Variants in ATP10D observed in about 807,000 individuals in gnomAD.
ATP10D encodes phospholipid-transporting ATPase VD.
Under a neutral mutation model 144.8 loss-of-function variants are expected in ATP10D, and 89 were observed. The observed-to-expected ratio is 0.61, with a 90% CI of 0.52 to 0.73. The LOEUF (loss-of-function observed/expected upper bound fraction) is 0.73, where lower values mean the gene tolerates loss of function less well. ATP10D is among the 30% of genes least tolerant of loss of function. The pLI is 0.00. For missense variants in ATP10D, 1,603 were observed against 1,714.8 expected (o/e 0.93, Z 1.15); for synonymous variants, 571 against 615.1 (o/e 0.93, Z 1.06).
intron 2 of ATP10D, 98 bp from the exon 3 acceptor site, chr4:47,515,378 C>T (rs1471560058): frequency 3.3e-6 from 3 of 911,978 alleles, no homozygotes; most frequent in East Asian, 4.8e-5. Context: ...ACAAAATCTA[C>T]TAATAGAAAC....
At chr4:47,519,855 C>T (rs184056914) in intron 3 of ATP10D, among the ~76,000 whole-genome samples, 1 of 152,254 alleles carries the variant, frequency 6.6e-6, no homozygotes, top group East Asian at 1.9e-4. Context: ...AGTGGGGACC[C>T]TATCTTAATC....
At chr4:47,507,416 C>T (rs2109395557) in intron 1 of ATP10D, among the ~76,000 whole-genome samples, 1 of 152,270 alleles carries the variant, frequency 6.6e-6, no homozygotes, top group South Asian at 2.1e-4. Context: ...TTTAGAAATA[C>T]ACTAGAAGAG....
chr4:47,529,320 G>A (rs1717436421), intron 5 of ATP10D, among the ~76,000 whole-genome samples: 2 of 152,128 alleles, frequency 1.3e-5, no homozygotes, highest in African/African-American at 4.8e-5. Flanking sequence ...TTTTGTAGAT[G>A]GTGAGAGGTA....
At chr4:47,517,553 C>T (rs1195579127) in intron 3 of ATP10D, among the ~76,000 whole-genome samples, 1 of 152,202 alleles carries the variant, frequency 6.6e-6, no homozygotes, top group Non-Finnish European at 1.5e-5. Flanking sequence ...TTACAAAAAG[C>T]AGCTAAACAC....
At chr4:47,560,743 C>T (rs1719252106) in intron 13 of ATP10D, among the ~76,000 whole-genome samples, 1 of 152,062 alleles carries the variant, frequency 6.6e-6, no homozygotes, top group Non-Finnish European at 1.5e-5. Flanking sequence ...AAAGGGTCAT[C>T]CATCATCAGT....
chr4:47,494,193 T>C (rs777854795), intron 1 of ATP10D, among the ~76,000 whole-genome samples: 13 of 152,196 alleles, frequency 8.5e-5, no homozygotes, highest in Non-Finnish European at 1.6e-4. Flanking sequence ...TTTGTGCAAA[T>C]GTTTCATAAG....
intron 15 of ATP10D, among the ~76,000 whole-genome samples, chr4:47,568,219 G>A (rs1291789720): frequency 6.6e-6 from 1 of 152,246 alleles, no homozygotes; most frequent in South Asian, 2.1e-4. Flanking sequence ...TGGCCAGAAT[G>A]CAAGTGCCAT....
In ATP10D at chr4:47,587,122, C is replaced by A. The variant is rs756372515; in HGVS notation, c.3857C>A (p.Pro1286His). 6.2e-7 allele frequency: 1 copy of A among 1,613,958 alleles called. No individual in the cohort carries two copies. The highest frequency in any genetic ancestry group is 8.5e-7 in the Non-Finnish European group (1 of 1,179,940). Residue 1286 changes from proline (P) to histidine (H), a missense_variant, in exon 22 of 23, where the codon CCT becomes CAT. Physicochemically the swap from Pro to His is moderately conservative, Grantham distance 77. Coordinates refer to ENST00000273859, the MANE Select transcript of ATP10D (RefSeq NM_020453.4). Reference sequence around the variant, plus strand: ...GTAACTTGCAACCCACCATCCAACCCTTACTGGATTATGCAGGAGCACATG... The same window carrying A: ...GTAACTTGCAACCCACCATCCAACCATTACTGGATTATGCAGGAGCACATG... ...MCVTCNPPSN[P>H]YWIMQEHMLD...
At chr4:47,584,379 T>G (rs537793069) in intron 21 of ATP10D, among the ~76,000 whole-genome samples, 2 of 152,076 alleles carry the variant, frequency 1.3e-5, no homozygotes, top group South Asian at 2.1e-4. Context: ...TGTTGTTGTT[T>G]TTTGTTTGTT....
chr4:47,490,528 G>C (rs994474093), intron 1 of ATP10D, among the ~76,000 whole-genome samples: 1 of 152,216 alleles, frequency 6.6e-6, no homozygotes, highest in African/African-American at 2.4e-5. Flanking sequence ...GAAGAAGTAT[G>C]GTGGTCCCAA....
intron 19 of ATP10D, among the ~76,000 whole-genome samples, chr4:47,579,055 A>G (rs1396338069): frequency 2.0e-5 from 3 of 152,078 alleles, no homozygotes; most frequent in Admixed American, 1.3e-4. Context: ...TGTTTTTCCA[A>G]TTTTGTTCAT....
At position 47,543,406 on chromosome 4, in the gene ATP10D, C is replaced by T. The variant is rs570386668; in HGVS notation, c.1397-3218C>T. 2.0e-5 allele frequency among the ~76,000 whole-genome samples: 3 copies of T among 152,266 alleles called. No homozygotes were observed. The South Asian group carries it at 6.2e-4, about 32-fold the overall frequency. On this transcript the variant is annotated intron_variant, in intron 9 of 22. Transcript: ENST00000273859. Reference sequence around the variant, plus strand: ...ACTCAAGGATTTATCAGTCTCAGCACTATTTGGGCTAGATTAATCTTTGTT... The same window carrying T: ...ACTCAAGGATTTATCAGTCTCAGCATTATTTGGGCTAGATTAATCTTTGTT...
At position 47,515,689 on chromosome 4, in the gene ATP10D, T is replaced by C; in HGVS notation, c.485+19T>C. 6.5e-7 allele frequency: 1 copy of C among 1,546,232 alleles called. No individual in the cohort carries two copies. The highest frequency in any genetic ancestry group is 8.9e-7 in the Non-Finnish European group (1 of 1,122,082). On this transcript the variant is annotated intron_variant, in intron 3 of 22. Coordinates refer to ENST00000273859, the MANE Select transcript of ATP10D (RefSeq NM_020453.4). ...ATAGTAGGTAAGTGTAATGGGACCT[T>C]TGCTAAGGACTATGTATGTATCATT...
intron 9 of ATP10D, among the ~76,000 whole-genome samples, chr4:47,543,929 G>C (rs527863881): frequency 1.3e-5 from 2 of 152,056 alleles, no homozygotes; most frequent in East Asian, 3.9e-4. Flanking sequence ...TAATACTAGG[G>C]ATATTTCATT....
chr4:47,516,950 G>T (rs111595913), intron 3 of ATP10D, among the ~76,000 whole-genome samples: 1 of 151,952 alleles, frequency 6.6e-6, no homozygotes, highest in Admixed American at 6.6e-5. Flanking sequence ...CTAAAATATC[G>T]GTACAGTCTC....
intron 1 of ATP10D, among the ~76,000 whole-genome samples, chr4:47,497,000 A>G (rs1157049662): frequency 2.0e-5 from 3 of 151,912 alleles, no homozygotes; most frequent in Admixed American, 6.6e-5. Context: ...CGCTACCACA[A>G]CTGGCTAATT....
intron 3 of ATP10D, among the ~76,000 whole-genome samples, chr4:47,518,603 G>A (rs1716800119): frequency 6.6e-6 from 1 of 152,150 alleles, no homozygotes. Context: ...TCACCATGTT[G>A]TTGATGTTAG....
chr4:47,527,106 T>C (rs6832642), intron 5 of ATP10D, among the ~76,000 whole-genome samples: 144,644 of 152,228 alleles, frequency 0.95, 69,073 homozygotes, highest in Non-Finnish European at 1. Flanking sequence ...TAAAGATAGA[T>C]CAGGAGATCA....
chr4:47,536,627 A>C, intron 8 of ATP10D, 59 bp from the exon 9 acceptor site: 2 of 1,601,028 alleles, frequency 1.2e-6, no homozygotes, highest in Non-Finnish European at 1.7e-6. Context: ...AGCTATGTTC[A>C]GTTTCACATC....
Sources: gnomAD v4.1 joint callset for allele counts (sites outside exome capture counted in the v4.1 genomes callset) on GRCh38, gnomAD v4.1.1 for gene constraint, MANE v1.5 for transcripts, NCBI Gene and HGNC (gene_info 2026-07-23, HGNC 2026-07-21) for gene names.